Variants in CPQ observed in about 807,000 individuals in gnomAD.
CPQ encodes the protein carboxypeptidase Q.
Under a neutral mutation model 45.7 loss-of-function variants are expected in CPQ, and 37 were observed. The observed-to-expected ratio is 0.81, with a 90% CI of 0.62 to 1.07. The LOEUF (loss-of-function observed/expected upper bound fraction) is 1.07, where lower values mean the gene tolerates loss of function less well. Among genes scored for constraint, CPQ ranks in the 50% least tolerant of loss-of-function variants. CPQ has a pLI of 0.00. For synonymous variants in CPQ, 186 were observed against 205.8 expected (o/e 0.90, Z 0.82); for missense variants, 537 against 572.9 (o/e 0.94, Z 0.64).
At chr8:96,738,577 A>G (rs998343966) in intron 1 of CPQ, among the ~76,000 whole-genome samples, 3 of 152,054 alleles carry the variant, frequency 2.0e-5, no homozygotes, top group African/African-American at 7.3e-5. Flanking sequence ...GTCATCTAGC[A>G]TTAGGTATAT....
chr8:97,109,507 T>C (rs1033810175), intron 7 of CPQ, among the ~76,000 whole-genome samples: 1 of 152,154 alleles, frequency 6.6e-6, no homozygotes, highest in Non-Finnish European at 1.5e-5. Flanking sequence ...TCTTCCTTCC[T>C]GACCCAGAAG....
intron 2 of CPQ, among the ~76,000 whole-genome samples, chr8:96,834,688 A>C (rs1811503250): frequency 6.6e-6 from 1 of 152,226 alleles, no homozygotes; most frequent in South Asian, 2.1e-4. Context: ...AAGAATTAAA[A>C]AAGAAGCTAT....
chr8:96,657,174 G>A (rs577245241), intron 1 of CPQ, among the ~76,000 whole-genome samples: 2 of 152,156 alleles, frequency 1.3e-5, no homozygotes, highest in African/African-American at 4.8e-5. Flanking sequence ...GTGAAACCCC[G>A]TCTCTACTAA....
intron 1 of CPQ, among the ~76,000 whole-genome samples, chr8:96,677,614 G>A (rs185647814): frequency 4.6e-5 from 7 of 152,184 alleles, no homozygotes; most frequent in Admixed American, 3.9e-4. Flanking sequence ...CTCCCATTCT[G>A]TGGGTTGTCT....
chr8:96,742,129 T>G (rs1810101445), intron 1 of CPQ, among the ~76,000 whole-genome samples: 2 of 148,700 alleles, frequency 1.3e-5, no homozygotes, highest in African/African-American at 5.0e-5. Context: ...TGTAGGTCAC[T>G]CAGGACTTGC....
intron 1 of CPQ, among the ~76,000 whole-genome samples, chr8:96,744,019 T>A (rs1013063594): frequency 1.3e-5 from 2 of 151,876 alleles, no homozygotes; most frequent in Admixed American, 1.3e-4. Flanking sequence ...TCGAGCTTCC[T>A]GGCTCCTTTG....
chr8:96,753,452 A>G (rs920881845), intron 1 of CPQ, among the ~76,000 whole-genome samples: 1 of 152,076 alleles, frequency 6.6e-6, no homozygotes, highest in Non-Finnish European at 1.5e-5. Flanking sequence ...AATAATTAAC[A>G]TGTTTTATTA....
intron 7 of CPQ, among the ~76,000 whole-genome samples, chr8:97,076,262 G>A (rs1195611917): frequency 6.6e-6 from 1 of 152,104 alleles, no homozygotes; most frequent in Non-Finnish European, 1.5e-5. Context: ...CTGACGTCGT[G>A]ATCCTCCTGC....
intron 3 of CPQ, among the ~76,000 whole-genome samples, chr8:96,868,903 A>G (rs761676531): frequency 3.1e-4 from 47 of 152,066 alleles, no homozygotes; most frequent in Non-Finnish European, 6.0e-4. Flanking sequence ...CTGGTTTTTT[A>G]GTTTGCTGCA....
At chr8:96,773,019 A>T (rs1810564763) in intron 1 of CPQ, among the ~76,000 whole-genome samples, 1 of 152,204 alleles carries the variant, frequency 6.6e-6, no homozygotes, top group East Asian at 1.9e-4. Context: ...GTTCAAGGTC[A>T]TGCATCTAAA....
Position 96,908,747 on chromosome 8 carries a change from G to GCACACACACACA in CPQ, c.849+28762_849+28773dup, listed in dbSNP as rs34425501. 8.7e-3 allele frequency among the ~76,000 whole-genome samples: 1,227 copies of GCACACACACACA among 140,996 alleles called. 9 individuals carry two copies. Among genetic ancestry groups the GCACACACACACA allele is most frequent in the African/African-American group, 0.022 (843 of 38,698 alleles). The allele number at this position is 140,996 out of a possible 152,430, so 92.5% of individuals were successfully genotyped here. A position where few individuals can be genotyped will look rare whatever the true frequency, so the allele number is the denominator to read the frequency against. ...TCTCTTTTCAGTTTTATACACATGC[G>GCACACACACACA]CACACACACACACACACACACACAC... On this transcript the variant is annotated intron_variant, in intron 4 of 7. Coordinates refer to ENST00000220763, the MANE Select transcript of CPQ (RefSeq NM_016134.4).
chr8:97,040,845 C>G (rs1187551227), intron 6 of CPQ, among the ~76,000 whole-genome samples: 1 of 152,130 alleles, frequency 6.6e-6, no homozygotes, highest in South Asian at 2.1e-4. Context: ...TGATCTATAT[C>G]TCTGTTTTGG....
intron 1 of CPQ, among the ~76,000 whole-genome samples, chr8:96,671,343 A>G (rs1222460353): frequency 1.3e-5 from 2 of 152,234 alleles, no homozygotes; most frequent in African/African-American, 4.8e-5. Context: ...AAGCATATGC[A>G]AGTATGTCTG....
intron 1 of CPQ, among the ~76,000 whole-genome samples, chr8:96,656,069 G>A (rs1815634148): frequency 6.6e-6 from 1 of 152,172 alleles, no homozygotes; most frequent in African/African-American, 2.4e-5. Flanking sequence ...GTCCAGGCTG[G>A]TCTTGAACTC....
chr8:96,770,700 T>TTATA (rs150102341), intron 1 of CPQ, among the ~76,000 whole-genome samples: 4 of 147,252 alleles, frequency 2.7e-5, no homozygotes, highest in South Asian at 2.1e-4. Context: ...GAGTGTTATT[T>TTATA]TATATATATA....
intron 6 of CPQ, among the ~76,000 whole-genome samples, chr8:97,037,355 T>C (rs1446613455): frequency 1.3e-5 from 2 of 152,246 alleles, no homozygotes; most frequent in African/African-American, 4.8e-5. Flanking sequence ...CATGTTGAGC[T>C]CTGGTTATAC....
At chr8:96,814,294 C>T (rs558889402) in intron 2 of CPQ, among the ~76,000 whole-genome samples, 4 of 152,034 alleles carry the variant, frequency 2.6e-5, no homozygotes, top group South Asian at 2.1e-4. Context: ...TTGGAGATTA[C>T]GAATGCCGTG....
At chr8:97,099,242 T>C (rs956186605) in intron 7 of CPQ, among the ~76,000 whole-genome samples, 1 of 146,916 alleles carries the variant, frequency 6.8e-6, no homozygotes, top group African/African-American at 2.5e-5. Flanking sequence ...GGGATCCTCC[T>C]GCCTCTGCCT....
chr8:96,787,983 C>G (rs1227462497), intron 2 of CPQ, among the ~76,000 whole-genome samples: 1 of 151,946 alleles, frequency 6.6e-6, no homozygotes, highest in Non-Finnish European at 1.5e-5. Flanking sequence ...TCATCTTTAT[C>G]TCTTTGCTTA....
Sources: gnomAD v4.1 joint callset for allele counts (sites outside exome capture counted in the v4.1 genomes callset) on GRCh38, gnomAD v4.1.1 for gene constraint, MANE v1.5 for transcripts, NCBI Gene and HGNC (gene_info 2026-07-23, HGNC 2026-07-21) for gene names.